PRKCB: variants seen among roughly 807,000 people sequenced by gnomAD.
PRKCB encodes the protein protein kinase C beta type.
Under a neutral mutation model 81.5 loss-of-function variants are expected in PRKCB, and 13 were observed. That is an observed-to-expected ratio of 0.16 (90% CI 0.10 to 0.25). The LOEUF is 0.25. PRKCB is among the 10% of genes least tolerant of loss of function. PRKCB has a pLI of 1.00. For missense variants in PRKCB, 509 were observed against 875.7 expected (o/e 0.58, Z 5.29); for synonymous variants, 335 against 321.4 (o/e 1.04, Z -0.45).
intron 2 of PRKCB, among the ~76,000 whole-genome samples, chr16:23,844,825 A>G (rs1222228478): frequency 2.1e-5 from 3 of 141,738 alleles, no homozygotes; most frequent in Non-Finnish European, 4.6e-5. Flanking sequence ...TTGTTTAGAC[A>G]AACTCTCACT....
intron 16 of PRKCB, among the ~76,000 whole-genome samples, chr16:24,207,272 A>G (rs1313868469): frequency 1.3e-5 from 2 of 152,178 alleles, no homozygotes; most frequent in East Asian, 3.9e-4. Flanking sequence ...CTTTATTTCT[A>G]TTTTTCAATT....
intron 16 of PRKCB, among the ~76,000 whole-genome samples, chr16:24,212,463 T>A (rs1261508143): frequency 2.4e-5 from 3 of 126,538 alleles, no homozygotes; most frequent in Non-Finnish European, 4.9e-5. Flanking sequence ...TTTTTTTCCT[T>A]TTTTTTTTTT....
intron 2 of PRKCB, among the ~76,000 whole-genome samples, chr16:23,930,583 G>T (rs529037566): frequency 1.3e-5 from 2 of 151,746 alleles, no homozygotes; most frequent in African/African-American, 4.8e-5. Context: ...AAAATATGAA[G>T]TTGCTCTTTT....
intron 12 of PRKCB, chr16:24,174,802 T>C (rs1320325258): frequency 1.2e-5 from 6 of 480,976 alleles, no homozygotes; most frequent in Non-Finnish European, 1.5e-5. Context: ...GTGTCACCAA[T>C]GATGGTTCAG....
chr16:24,091,620 C>CTTTT (rs67333744), intron 5 of PRKCB, among the ~76,000 whole-genome samples: 10 of 149,400 alleles, frequency 6.7e-5, no homozygotes, highest in African/African-American at 2.5e-4. Context: ...GTAAGTTCAT[C>CTTTT]TTTTTTTTTT....
rs200934365 is a variant in PRKCB at position 23,969,068 on chromosome 16, G to A, written c.206-19440G>A. On this transcript the variant is annotated intron_variant, in intron 2 of 16. Transcript: ENST00000643927. ...GCCTGTAATCCAAGCTACTCAGGAG[G>A]CTGAGGCAAGTGAATTGCTTGAACC... Among the ~76,000 whole-genome samples, 5 of 152,160 alleles carry A rather than the reference G, an allele frequency of 3.3e-5. No homozygotes were observed. The East Asian group carries it at 7.7e-4, about 23-fold the overall frequency.
intron 2 of PRKCB, among the ~76,000 whole-genome samples, chr16:23,919,054 C>T (rs1306355903): frequency 6.6e-6 from 1 of 152,072 alleles, no homozygotes; most frequent in East Asian, 1.9e-4. Context: ...TTTATTAAAC[C>T]TTCTAAGGTG....
At chr16:24,133,053 C>G (rs1255688436) in intron 9 of PRKCB, among the ~76,000 whole-genome samples, 1 of 152,070 alleles carries the variant, frequency 6.6e-6, no homozygotes, top group Non-Finnish European at 1.5e-5. Context: ...ATTTTTCCCT[C>G]TTATTTTCTC....
intron 2 of PRKCB, among the ~76,000 whole-genome samples, chr16:23,844,884 C>T (rs148804625): frequency 2.4e-3 from 366 of 151,916 alleles, no homozygotes; most frequent in African/African-American, 8.6e-3. Flanking sequence ...TCACTGTAAC[C>T]TCCGCCTCCC....
intron 5 of PRKCB, among the ~76,000 whole-genome samples, chr16:24,087,179 A>C (rs1966319680): frequency 6.6e-6 from 1 of 152,246 alleles, no homozygotes. Flanking sequence ...GAGGAAATGC[A>C]ACATTGACCC....
intron 2 of PRKCB, among the ~76,000 whole-genome samples, chr16:23,875,495 A>AT (rs1430053675): frequency 0.027 from 3,286 of 121,232 alleles, 51 homozygotes; most frequent in South Asian, 0.07. Context: ...ATATATATAT[A>AT]TATATATATA....
chr16:23,887,084 C>T (rs1362165303), intron 2 of PRKCB, among the ~76,000 whole-genome samples: 1 of 152,152 alleles, frequency 6.6e-6, no homozygotes, highest in Non-Finnish European at 1.5e-5. Context: ...CTCTCTCTTT[C>T]TTTCCTTCTT....
intron 16 of PRKCB, among the ~76,000 whole-genome samples, chr16:24,204,460 A>T (rs748281191): frequency 6.6e-6 from 1 of 152,200 alleles, no homozygotes; most frequent in Non-Finnish European, 1.5e-5. Flanking sequence ...AAGTAGAGAT[A>T]ATCCTTTTCC....
chr16:24,153,059 A>C (rs6497726), intron 9 of PRKCB, among the ~76,000 whole-genome samples: 1 of 152,118 alleles, frequency 6.6e-6, no homozygotes, highest in Admixed American at 6.6e-5. Context: ...GCATGGGTGC[A>C]TGATCTGGAA....
At chr16:24,009,140 G>A (rs1370965021) in intron 3 of PRKCB, among the ~76,000 whole-genome samples, 1 of 152,168 alleles carries the variant, frequency 6.6e-6, no homozygotes, top group Non-Finnish European at 1.5e-5. Flanking sequence ...CTGTTGTGAA[G>A]AGTGCTGCAA....
At chr16:23,871,901 T>C (rs1196773338) in intron 2 of PRKCB, among the ~76,000 whole-genome samples, 1 of 151,858 alleles carries the variant, frequency 6.6e-6, no homozygotes, top group African/African-American at 2.4e-5. Flanking sequence ...ATAGCATCTG[T>C]AACTGTTTAA....
At chr16:24,145,476 C>T (rs1366050767) in intron 9 of PRKCB, among the ~76,000 whole-genome samples, 2 of 152,102 alleles carry the variant, frequency 1.3e-5, no homozygotes, top group African/African-American at 4.8e-5. Context: ...AAGCAGAAAA[C>T]AGGGTAGGAG....
At chr16:24,084,663 G>A (rs938291257) in intron 5 of PRKCB, among the ~76,000 whole-genome samples, 2 of 152,010 alleles carry the variant, frequency 1.3e-5, no homozygotes, top group Non-Finnish European at 2.9e-5. Flanking sequence ...AATGCCCCCA[G>A]AAATTGCTCA....
In PRKCB at chr16:24,177,156, G is replaced by A. The variant is rs369451175; in HGVS notation, c.1394+2576G>A. ...GGAAGAAAATCCACTCCCATTGTAG[G>A]AAACAGGAGAGGAAATAATTAGTGT... On this transcript the variant is annotated intron_variant, in intron 12 of 16. Transcript: ENST00000643927. Among the ~76,000 whole-genome samples, 59 of 152,306 alleles carry A rather than the reference G, an allele frequency of 3.9e-4. 2 individuals carry two copies. In the South Asian group the frequency reaches 0.012, roughly 31 times the overall value.
Sources: gnomAD v4.1 joint callset for allele counts (sites outside exome capture counted in the v4.1 genomes callset) on GRCh38, gnomAD v4.1.1 for gene constraint, MANE v1.5 for transcripts, NCBI Gene and HGNC (gene_info 2026-07-23, HGNC 2026-07-21) for gene names.